Variants in DNAJC18 observed in about 807,000 individuals in gnomAD.
DNAJC18 encodes the protein dnaJ homolog subfamily C member 18.
In DNAJC18, 40 loss-of-function variants were observed where a neutral mutation model predicts 48.6. The ratio of observed to expected loss-of-function variants is 0.82; its 90% CI spans 0.64 to 1.07. The LOEUF (loss-of-function observed/expected upper bound fraction) is 1.07, where lower values mean the gene tolerates loss of function less well. Ranked by LOEUF, DNAJC18 falls within the 50% of genes least tolerant of loss-of-function variation. The pLI is 0.00. For missense variants in DNAJC18, 340 were observed against 427.7 expected (o/e 0.79, Z 1.81); for synonymous variants, 135 against 152.2 (o/e 0.89, Z 0.83).
chr5:139,427,513 T>C (rs369022097), intron 3 of DNAJC18, among the ~76,000 whole-genome samples: 78 of 152,366 alleles, frequency 5.1e-4, no homozygotes, highest in Non-Finnish European at 8.8e-4. Context: ...CTCTGTTACC[T>C]ACAACTCTAT....
chr5:139,436,799 A>C (rs1275638061), intron 2 of DNAJC18, among the ~76,000 whole-genome samples: 1 of 152,064 alleles, frequency 6.6e-6, no homozygotes, highest in Non-Finnish European at 1.5e-5. Flanking sequence ...TAGAGCTATA[A>C]ATTTCCTTCT....
intron 5 of DNAJC18, among the ~76,000 whole-genome samples, chr5:139,423,468 C>T (rs1007810136): frequency 6.6e-6 from 1 of 151,428 alleles, no homozygotes; most frequent in Admixed American, 6.6e-5. Flanking sequence ...TGGCTCACTG[C>T]AGCCTTGACC....
intron 5 of DNAJC18, among the ~76,000 whole-genome samples, chr5:139,424,784 A>G (rs1285490692): frequency 1.4e-5 from 2 of 143,182 alleles, no homozygotes; most frequent in Non-Finnish European, 1.5e-5. Context: ...GATTGCTGAG[A>G]TTCTGGGAGA....
At chr5:139,433,901 T>G (rs1274685131) in intron 2 of DNAJC18, among the ~76,000 whole-genome samples, 2 of 152,338 alleles carry the variant, frequency 1.3e-5, no homozygotes, top group African/African-American at 4.8e-5. Context: ...TGATGATGAT[T>G]ATTATTTGAG....
chr5:139,421,534 G>A (rs1336582964), intron 6 of DNAJC18, among the ~76,000 whole-genome samples: 1 of 151,576 alleles, frequency 6.6e-6, no homozygotes, highest in African/African-American at 2.4e-5. Flanking sequence ...AGCCGGGCGC[G>A]ATGGCTCATG....
chr5:139,424,739 A>C (rs1292864147), intron 5 of DNAJC18, among the ~76,000 whole-genome samples: 2 of 149,254 alleles, frequency 1.3e-5, no homozygotes, highest in Non-Finnish European at 3.0e-5. Context: ...AAAAAAAAAA[A>C]AAAAAAAAAA....
At chr5:139,435,716 T>TTTTTTTTG (rs1750632882) in intron 2 of DNAJC18, among the ~76,000 whole-genome samples, 1 of 117,176 alleles carries the variant, frequency 8.5e-6, no homozygotes, top group Non-Finnish European at 1.8e-5. Context: ...TTTTTTTTTT[T>TTTTTTTTG]TTTTTTTTTT....
At chr5:139,429,823 A>G (rs1759301525) in intron 2 of DNAJC18, among the ~76,000 whole-genome samples, 1 of 152,118 alleles carries the variant, frequency 6.6e-6, no homozygotes, top group African/African-American at 2.4e-5. Flanking sequence ...GCTACTCAGG[A>G]GGCCAAGGCA....
intron 7 of DNAJC18, among the ~76,000 whole-genome samples, chr5:139,417,986 C>G (rs1759094953): frequency 1.3e-5 from 2 of 152,254 alleles, no homozygotes; most frequent in South Asian, 4.1e-4. Context: ...ACCATGAGCT[C>G]TTTGTATAAT....
chr5:139,419,208 C>T (rs1348948731), intron 7 of DNAJC18: 1 of 443,168 alleles, frequency 2.3e-6, no homozygotes, highest in Non-Finnish European at 4.5e-6. Flanking sequence ...ATAATCAAAA[C>T]CAAGTTTTAG....
intron 7 of DNAJC18, among the ~76,000 whole-genome samples, chr5:139,418,012 C>T (rs1759095402): frequency 6.6e-6 from 1 of 152,164 alleles, no homozygotes; most frequent in African/African-American, 2.4e-5. Context: ...CATCTTACTG[C>T]CACAGAGGAA....
intron 2 of DNAJC18, among the ~76,000 whole-genome samples, chr5:139,435,743 C>A (rs953856891): frequency 6.1e-5 from 3 of 49,004 alleles, no homozygotes; most frequent in South Asian, 9.4e-4. Context: ...CAGACAAGGT[C>A]TCCCTCTGTC....
intron 6 of DNAJC18, among the ~76,000 whole-genome samples, chr5:139,420,545 A>G (rs1396896016): frequency 6.7e-6 from 1 of 148,362 alleles, no homozygotes; most frequent in East Asian, 1.9e-4. Context: ...TACGTTGTGT[A>G]GGATCTAGTA....
chr5:139,424,717 CAAAAAAAAAAAAAAAA>C (rs70982777), intron 5 of DNAJC18, among the ~76,000 whole-genome samples: 36 of 23,118 alleles, frequency 1.6e-3, no homozygotes, highest in African/African-American at 8.3e-3. Context: ...GACCCTCTCT[CAAAAAAAAAAAAAAAA>C]AAAAAAAAAA....
chr5:139,417,568 ATTTTTTTTT>A (rs762169642), intron 7 of DNAJC18, among the ~76,000 whole-genome samples: 1 of 114,474 alleles, frequency 8.7e-6, no homozygotes, highest in Non-Finnish European at 1.8e-5. Flanking sequence ...TACTCACTGG[ATTTTTTTTT>A]TTTTTTTTTT....
chr5:139,414,573 G>A (rs1311489531), intron 7 of DNAJC18, among the ~76,000 whole-genome samples: 1 of 152,236 alleles, frequency 6.6e-6, no homozygotes, highest in Non-Finnish European at 1.5e-5. Context: ...CATGTGCAGT[G>A]AGACCACCCT....
chr5:139,419,284 G>A, intron 7 of DNAJC18: 1 of 377,134 alleles, frequency 2.7e-6, no homozygotes, highest in Non-Finnish European at 5.2e-6. Context: ...GAAGCTGTTG[G>A]CTGAGACGGG....
At chr5:139,419,702 G>A (rs1759122066) in intron 7 of DNAJC18, among the ~76,000 whole-genome samples, 1 of 152,076 alleles carries the variant, frequency 6.6e-6, no homozygotes, top group African/African-American at 2.4e-5. Context: ...TGTAAACCAT[G>A]GCAAACAAGG....
chr5:139,439,266 T>C lies in DNAJC18; in HGVS notation c.40+140A>G. Reference sequence around the variant, plus strand: ...AGCTTCCCTACCCCATCCGCAACCCTACTCAGGCTCAGCATCTTTTCACAG... The same window carrying C: ...AGCTTCCCTACCCCATCCGCAACCCCACTCAGGCTCAGCATCTTTTCACAG... On this transcript the variant is annotated intron_variant, in intron 1 of 7. Transcript: ENST00000302060. The surrounding 1 kb of genome is among the most constrained non-coding windows in gnomAD (Gnocchi z 4.1). 7.2e-7 allele frequency: 1 copy of C among 1,385,872 alleles called. No individual in the cohort carries two copies. Among genetic ancestry groups the C allele is most frequent in the Non-Finnish European group, 1.0e-6 (1 of 996,310 alleles). 85.8% of individuals were successfully genotyped at this position (1,385,872 alleles called of 1,614,324 possible).
Sources: allele counts gnomAD v4.1 joint callset (sites outside exome capture counted in the v4.1 genomes callset), GRCh38; gene constraint gnomAD v4.1.1; non-coding constraint Gnocchi (gnomAD v3.1); transcripts MANE v1.5; gene names NCBI Gene and HGNC (gene_info 2026-07-23, HGNC 2026-07-21).